SPIDR: variants seen among roughly 807,000 people sequenced by gnomAD.
SPIDR encodes the protein scaffold protein involved in DNA repair, also known as DNA repair-scaffolding protein.
SPIDR carries 93 observed loss-of-function variants against 104.6 expected under a neutral mutation model. That is an observed-to-expected ratio of 0.89 (90% CI 0.75 to 1.06). SPIDR has a LOEUF of 1.06. Among genes scored for constraint, SPIDR ranks in the 50% least tolerant of loss-of-function variants. The pLI, the probability that SPIDR is intolerant of heterozygous loss-of-function variation, is 0.00. For missense variants in SPIDR, 1,154 were observed against 1,111.2 expected (o/e 1.04, Z -0.55); for synonymous variants, 431 against 416.9 (o/e 1.03, Z -0.41).
chr8:47,599,119 GT>G lies in SPIDR; in HGVS notation c.1468del (p.Tyr490IlefsTer63), dbSNP rs749281148. The G allele has an allele frequency of 1.2e-6, 2 of 1,613,196 alleles. No individual in the cohort carries two copies. Among genetic ancestry groups the G allele is most frequent in the Non-Finnish European group, 1.7e-6 (2 of 1,179,674 alleles). On this transcript the variant is annotated frameshift_variant, in exon 10 of 20. Transcript: ENST00000297423. LOFTEE classifies it high-confidence loss of function. ...AGVRVVVQRV[Y>X]SLPSRDSTRG... ...GAGTCCGAGTGGTGGTGCAAAGAGT[GT>G]ATTCTCTTCCCAGCAGAGACAGCAC...
At chr8:47,730,111 T>C (rs1045295617) in intron 19 of SPIDR, among the ~76,000 whole-genome samples, 5 of 149,092 alleles carry the variant, frequency 3.4e-5, no homozygotes, top group Non-Finnish European at 7.5e-5. Flanking sequence ...CCCAAGATGC[T>C]TTTTTTTTTC....
At chr8:47,312,540 A>G (rs1309926541) in intron 5 of SPIDR, among the ~76,000 whole-genome samples, 38 of 152,066 alleles carry the variant, frequency 2.5e-4, no homozygotes, top group South Asian at 4.2e-4. Flanking sequence ...GTCTGTTCAT[A>G]TCCTTCACCC....
intron 8 of SPIDR, among the ~76,000 whole-genome samples, chr8:47,558,273 A>C (rs2091557312): frequency 6.6e-6 from 1 of 152,156 alleles, no homozygotes; most frequent in African/African-American, 2.4e-5. Flanking sequence ...TCATTTAACA[A>C]ACCTGCATGT....
intron 10 of SPIDR, among the ~76,000 whole-genome samples, chr8:47,639,901 C>T (rs1052888359): frequency 6.6e-5 from 10 of 151,314 alleles, no homozygotes; most frequent in African/African-American, 1.9e-4. Flanking sequence ...AAGCCGAGAT[C>T]GCACCATTGC....
chr8:47,500,807 A>G (rs1015002377), intron 8 of SPIDR, among the ~76,000 whole-genome samples: 2 of 152,134 alleles, frequency 1.3e-5, no homozygotes, highest in Non-Finnish European at 2.9e-5. Flanking sequence ...TCCATCTTGA[A>G]TTAATTTTTA....
intron 8 of SPIDR, among the ~76,000 whole-genome samples, chr8:47,572,655 C>T (rs62539113): frequency 3.2e-3 from 411 of 126,786 alleles, no homozygotes; most frequent in Non-Finnish European, 5.5e-3. Flanking sequence ...GAGCAAGACT[C>T]CATCTCAAAA....
chr8:47,633,041 A>G (rs2067308455), intron 10 of SPIDR, among the ~76,000 whole-genome samples: 2 of 152,236 alleles, frequency 1.3e-5, no homozygotes, highest in African/African-American at 4.8e-5. Context: ...GCTCAGTAGA[A>G]CAGTGACCAT....
In SPIDR at chr8:47,712,797, G is replaced by A. The variant is rs1372487454; in HGVS notation, c.2113G>A (p.Gly705Ser). 2 of 1,613,972 alleles carry A rather than the reference G, an allele frequency of 1.2e-6. No individual in the cohort carries two copies. Among genetic ancestry groups the A allele is most frequent in the Non-Finnish European group, 1.7e-6 (2 of 1,180,044 alleles). ...LVYVAPLCVL[G>S]SEVLEALAGA... ...CTATGTGGCCCCCTTGTGTGTGCTG[G>A]GCTCTGAAGTCCTGGAGGCACTCGC... The change falls in exon 15 of 20, where the codon GGC (glycine) becomes AGC (serine). Residue 705 changes from glycine (G) to serine (S), a missense_variant. Physicochemically the swap from Gly to Ser is moderately conservative, Grantham distance 56 (BLOSUM62 0). Transcript: ENST00000297423.
chr8:47,605,982 G>T (rs2062889469), intron 10 of SPIDR, among the ~76,000 whole-genome samples: 1 of 152,078 alleles, frequency 6.6e-6, no homozygotes, highest in South Asian at 2.1e-4. Context: ...TATGCTTTTG[G>T]CCACCTCATT....
At chr8:47,684,207 G>A (rs2077462094) in intron 11 of SPIDR, among the ~76,000 whole-genome samples, 1 of 150,572 alleles carries the variant, frequency 6.6e-6, no homozygotes. Context: ...TTTTTTCTTG[G>A]CTATAAAAAC....
chr8:47,373,007 G>C (rs1257776886), intron 5 of SPIDR, among the ~76,000 whole-genome samples: 2 of 152,106 alleles, frequency 1.3e-5, no homozygotes, highest in Non-Finnish European at 2.9e-5. Context: ...ATAAGGCTAG[G>C]ATTAGGATCT....
At chr8:47,428,884 A>G (rs1196855052) in intron 7 of SPIDR, among the ~76,000 whole-genome samples, 1 of 152,132 alleles carries the variant, frequency 6.6e-6, no homozygotes, top group Admixed American at 6.5e-5. Flanking sequence ...CTGACTCTGG[A>G]TTATCTCCAG....
chr8:47,711,233 A>G (rs2081841582), intron 14 of SPIDR, among the ~76,000 whole-genome samples: 1 of 152,210 alleles, frequency 6.6e-6, no homozygotes, highest in Non-Finnish European at 1.5e-5. Context: ...TGACACAGTA[A>G]GATGCGTCAA....
chr8:47,288,486 A>G (rs1050953810), intron 3 of SPIDR, among the ~76,000 whole-genome samples: 1 of 152,136 alleles, frequency 6.6e-6, no homozygotes, highest in African/African-American at 2.4e-5. Flanking sequence ...GGGTTTCACC[A>G]TCTTGGCCAG....
At chr8:47,493,306 C>T (rs1039789143) in intron 8 of SPIDR, among the ~76,000 whole-genome samples, 3 of 151,982 alleles carry the variant, frequency 2.0e-5, no homozygotes, top group Admixed American at 6.6e-5. Context: ...ATGTTATTAT[C>T]GTTAAACCTG....
intron 7 of SPIDR, among the ~76,000 whole-genome samples, chr8:47,410,740 T>C (rs2063399277): frequency 6.6e-6 from 1 of 152,112 alleles, no homozygotes; most frequent in Non-Finnish European, 1.5e-5. Flanking sequence ...ATATGTGCCA[T>C]GTTGGTGTGC....
At chr8:47,660,327 A>G in intron 10 of SPIDR, 1 of 470,470 alleles carries the variant, frequency 2.1e-6, no homozygotes, top group Non-Finnish European at 2.8e-6. Flanking sequence ...ATGGACTTTT[A>G]TACTTCCAAC....
intron 8 of SPIDR, among the ~76,000 whole-genome samples, chr8:47,575,834 C>T (rs2154407940): frequency 6.7e-6 from 1 of 150,350 alleles, no homozygotes; most frequent in African/African-American, 2.4e-5. Flanking sequence ...GTGGTGCGCA[C>T]CTATAATCCC....
At chr8:47,283,960 G>T in intron 2 of SPIDR, 68 bp from the exon 3 acceptor site, 2 of 1,191,594 alleles carry the variant, frequency 1.7e-6, no homozygotes, top group South Asian at 2.6e-5. Context: ...TTAAGATTTT[G>T]AATATTTTAT....
Sources: gnomAD v4.1 joint callset for allele counts (sites outside exome capture counted in the v4.1 genomes callset) on GRCh38, gnomAD v4.1.1 for gene constraint, MANE v1.5 for transcripts, NCBI Gene and HGNC (gene_info 2026-07-23, HGNC 2026-07-21) for gene names.